SLC2A13: variants seen among roughly 807,000 people sequenced by gnomAD.
SLC2A13 encodes the protein solute carrier family 2 member 13, also known as proton myo-inositol cotransporter.
SLC2A13 carries 32 observed loss-of-function variants against 64.4 expected under a neutral mutation model. The ratio of observed to expected loss-of-function variants is 0.50; its 90% CI spans 0.37 to 0.67. The LOEUF is 0.67. SLC2A13 is among the 30% of genes least tolerant of loss of function. The pLI is 0.00. For synonymous variants in SLC2A13, 338 were observed against 327.1 expected, an observed-to-expected ratio of 1.03 and a Z score of -0.36; for missense variants, 743 against 829.2, an observed-to-expected ratio of 0.90 and a Z score of 1.28.
At chr12:39,971,431 A>T (rs867944302) in intron 3 of SLC2A13, among the ~76,000 whole-genome samples, 5 of 152,240 alleles carry the variant, frequency 3.3e-5, no homozygotes, top group Admixed American at 6.5e-5. Flanking sequence ...TTAGAAAAGA[A>T]TTTGAAATAT....
intron 3 of SLC2A13, among the ~76,000 whole-genome samples, chr12:40,010,619 C>T (rs554604907): frequency 6.6e-6 from 1 of 152,284 alleles, no homozygotes; most frequent in African/African-American, 2.4e-5. Context: ...CCTTTTAAAA[C>T]CATCTTGCCC....
chr12:40,029,534 C>T (rs559519422), intron 2 of SLC2A13, among the ~76,000 whole-genome samples: 2 of 152,256 alleles, frequency 1.3e-5, no homozygotes, highest in South Asian at 4.1e-4. Flanking sequence ...ATATATTTTT[C>T]AAAGCTATTC....
chr12:39,829,098 T>C (rs1002153744), intron 7 of SLC2A13, among the ~76,000 whole-genome samples: 2 of 152,104 alleles, frequency 1.3e-5, no homozygotes, highest in African/African-American at 2.4e-5. Flanking sequence ...TATTCTTTTA[T>C]AGGAATTTAA....
At chr12:39,996,224 C>A (rs750963956) in intron 3 of SLC2A13, among the ~76,000 whole-genome samples, 3 of 152,020 alleles carry the variant, frequency 2.0e-5, no homozygotes, top group African/African-American at 7.3e-5. Flanking sequence ...TTTGCCCCTG[C>A]CCTAGAGATT....
intron 3 of SLC2A13, among the ~76,000 whole-genome samples, chr12:40,003,954 T>C (rs1000134507): frequency 5.3e-5 from 8 of 150,934 alleles, no homozygotes; most frequent in African/African-American, 1.7e-4. Flanking sequence ...GAGTGCGCCA[T>C]TGCACTCCAG....
Position 39,975,654 on chromosome 12 carries a change from G to A in SLC2A13, c.926-24289C>T, listed in dbSNP as rs989926363. On this transcript the variant is annotated intron_variant, in intron 3 of 9. Coordinates refer to ENST00000280871, the MANE Select transcript of SLC2A13 (RefSeq NM_052885.4). Reference sequence around the variant, plus strand: ...AGAAGGAACTGAAAATAAGTTAGACGTATTCAAGTAAGCCACCTGTCTGGA... The same window carrying A: ...AGAAGGAACTGAAAATAAGTTAGACATATTCAAGTAAGCCACCTGTCTGGA... Among the ~76,000 whole-genome samples the A allele has an allele frequency of 3.3e-5, 5 of 152,216 alleles. No individual in the cohort carries two copies. The East Asian group carries it at 7.7e-4, about 23-fold the overall frequency.
chr12:39,762,015 T>G (rs1220152329), intron 9 of SLC2A13, among the ~76,000 whole-genome samples: 1 of 152,114 alleles, frequency 6.6e-6, no homozygotes, highest in Non-Finnish European at 1.5e-5. Context: ...GATTCTTTCT[T>G]GTGACCTGGA....
intron 6 of SLC2A13, among the ~76,000 whole-genome samples, chr12:39,858,905 C>T (rs1943679774): frequency 6.6e-6 from 1 of 152,088 alleles, no homozygotes; most frequent in Non-Finnish European, 1.5e-5. Flanking sequence ...CGTGCCCGAC[C>T]GTTTTTACAC....
chr12:40,102,143 C>T (rs1939171355), intron 1 of SLC2A13, among the ~76,000 whole-genome samples: 1 of 152,186 alleles, frequency 6.6e-6, no homozygotes, highest in Admixed American at 6.5e-5. Context: ...TGTCATCTGG[C>T]ACTACAGAGA....
chr12:39,857,922 C>A (rs1421375499), intron 6 of SLC2A13, among the ~76,000 whole-genome samples: 1 of 152,172 alleles, frequency 6.6e-6, no homozygotes, highest in Admixed American at 6.5e-5. Flanking sequence ...TCCTTCTTGT[C>A]TTTCTGGCTT....
chr12:39,969,201 G>T (rs1334417741), intron 3 of SLC2A13, among the ~76,000 whole-genome samples: 1 of 152,108 alleles, frequency 6.6e-6, no homozygotes, highest in Non-Finnish European at 1.5e-5. Context: ...GTCTATCATT[G>T]ATGGACATTT....
chr12:39,925,680 T>G (rs12318828), intron 4 of SLC2A13, among the ~76,000 whole-genome samples: 11 of 152,214 alleles, frequency 7.2e-5, no homozygotes, highest in African/African-American at 2.7e-4. Context: ...TTTTAGTTTT[T>G]ACTACTAAAA....
At chr12:39,795,789 G>T (rs1280540737) in intron 7 of SLC2A13, among the ~76,000 whole-genome samples, 1 of 152,136 alleles carries the variant, frequency 6.6e-6, no homozygotes, top group Non-Finnish European at 1.5e-5. Flanking sequence ...GGGGTAGAGT[G>T]TCCTGCTCTA....
chr12:39,884,669 C>G (rs1202974143), intron 4 of SLC2A13, among the ~76,000 whole-genome samples: 1 of 152,106 alleles, frequency 6.6e-6, no homozygotes, highest in South Asian at 2.1e-4. Flanking sequence ...ATACATATAA[C>G]AAGGACACAC....
chr12:40,041,493 C>T (rs1184465150), intron 2 of SLC2A13, among the ~76,000 whole-genome samples: 3 of 152,150 alleles, frequency 2.0e-5, no homozygotes, highest in African/African-American at 7.2e-5. Context: ...ATCTTGGGAG[C>T]TCCCATTACA....
intron 7 of SLC2A13, among the ~76,000 whole-genome samples, chr12:39,800,372 C>T (rs2135783917): frequency 6.6e-6 from 1 of 151,854 alleles, no homozygotes; most frequent in African/African-American, 2.4e-5. Flanking sequence ...TATCCAGAAT[C>T]TACAATGAAC....
rs1320234607 is a variant in SLC2A13, at chr12:40,022,773, G to C, written c.925+5528C>G. Among the ~76,000 whole-genome samples, 3 of 152,172 alleles carry C rather than the reference G, an allele frequency of 2.0e-5. No individual in the cohort carries two copies. In the East Asian group the frequency reaches 5.8e-4, roughly 29 times the overall value. ...GAATCACTTGAACCCAGGAGGCAGAGGTTGCAAAGAGCCAAAATTGTGCCA... is the reference window on the plus strand; with the variant it reads ...GAATCACTTGAACCCAGGAGGCAGACGTTGCAAAGAGCCAAAATTGTGCCA... On this transcript the variant is annotated intron_variant, in intron 3 of 9. Coordinates refer to ENST00000280871, the MANE Select transcript of SLC2A13 (RefSeq NM_052885.4).
At chr12:39,974,629 C>A (rs1474618229) in intron 3 of SLC2A13, among the ~76,000 whole-genome samples, 2 of 152,190 alleles carry the variant, frequency 1.3e-5, no homozygotes, top group Non-Finnish European at 2.9e-5. Flanking sequence ...CATTGAGACT[C>A]TAAATGCAAA....
chr12:39,764,548 T>A lies in SLC2A13; in HGVS notation c.1632A>T (p.Gly544=). 1 of 1,611,882 alleles carries A rather than the reference T, an allele frequency of 6.2e-7. No individual in the cohort carries two copies. The highest frequency in any genetic ancestry group is 8.5e-7 in the Non-Finnish European group (1 of 1,179,174). ...EIYPLWARST[G]NACSSGINWI... ...AGTTTATTCCAGATGAACATGCATT[T>A]CCTGTACTTCTTGCCCAAAGGGGAT... Residue 544 remains glycine (G), a synonymous_variant, in exon 9 of 10, where the codon GGA becomes GGT. Coordinates refer to ENST00000280871, the MANE Select transcript of SLC2A13 (RefSeq NM_052885.4).
Sources: gnomAD v4.1 joint callset for allele counts (sites outside exome capture counted in the v4.1 genomes callset) on GRCh38, gnomAD v4.1.1 for gene constraint, MANE v1.5 for transcripts, NCBI Gene and HGNC (gene_info 2026-07-23, HGNC 2026-07-21) for gene names.